INPP5A: variants seen among roughly 807,000 people sequenced by gnomAD.
INPP5A encodes 43 kDa inositol polyphosphate 5-phophatase.
In INPP5A, 14 loss-of-function variants were observed where a neutral mutation model predicts 65.2. That is an observed-to-expected ratio of 0.21 (90% CI 0.14 to 0.34). The LOEUF is 0.34. Among genes scored for constraint, INPP5A ranks in the 10% least tolerant of loss-of-function variants. INPP5A has a pLI of 1.00. For missense variants in INPP5A, 431 were observed against 545.6 expected (o/e 0.79, Z 2.09); for synonymous variants, 207 against 208.3 (o/e 0.99, Z 0.05).
intron 8 of INPP5A, among the ~76,000 whole-genome samples, chr10:132,715,100 C>G (rs1270060975): frequency 2.6e-5 from 4 of 152,314 alleles, no homozygotes; most frequent in South Asian, 4.1e-4. Context: ...CCTGGACACA[C>G]AGGTCAGCCC....
At chr10:132,677,659 T>G (rs1213933271) in intron 4 of INPP5A, among the ~76,000 whole-genome samples, 1 of 152,172 alleles carries the variant, frequency 6.6e-6, no homozygotes, top group Admixed American at 6.5e-5. Flanking sequence ...TAATCGGAAA[T>G]GTTAACGGGC....
chr10:132,601,262 A>T (rs2071773725), intron 1 of INPP5A, among the ~76,000 whole-genome samples: 1 of 152,220 alleles, frequency 6.6e-6, no homozygotes, highest in Non-Finnish European at 1.5e-5. Flanking sequence ...AGTGATAATG[A>T]ACATCCTTTC....
At chr10:132,771,831 GGCACTCAGC>G (rs1846960229) in intron 12 of INPP5A, among the ~76,000 whole-genome samples, 6 of 123,348 alleles carry the variant, frequency 4.9e-5, no homozygotes, top group Admixed American at 1.6e-4. Flanking sequence ...TGAAGAGTGG[GGCACTCAGC>G]ACTGACACGG....
At chr10:132,588,434 C>T (rs2071574729) in intron 1 of INPP5A, among the ~76,000 whole-genome samples, 1 of 152,218 alleles carries the variant, frequency 6.6e-6, no homozygotes, top group Admixed American at 6.5e-5. Flanking sequence ...GGTGGAAGGC[C>T]CAGTCGTTAC....
At chr10:132,691,124 G>A (rs1486475638) in intron 5 of INPP5A, among the ~76,000 whole-genome samples, 1 of 152,246 alleles carries the variant, frequency 6.6e-6, no homozygotes, top group African/African-American at 2.4e-5. Flanking sequence ...AAACGATGTC[G>A]TTTCGTTCGG....
Position 132,776,971 on chromosome 10 carries a change from G to A in INPP5A, c.978-700G>A, listed in dbSNP as rs537860933. On this transcript the variant is annotated intron_variant, in intron 12 of 15. Coordinates refer to ENST00000368594, the MANE Select transcript of INPP5A (RefSeq NM_005539.5). ...AGCCCAGATGAGCTGTGCCCTGGCC[G>A]GCGGTGGGTGGTGGAGACGCAACCA... Among the ~76,000 whole-genome samples the A allele has an allele frequency of 1.6e-4, 24 of 152,298 alleles. 2 individuals are homozygous for A. The highest frequency in any genetic ancestry group is 5.9e-4 in the Admixed American group (9 of 15,306).
intron 4 of INPP5A, among the ~76,000 whole-genome samples, chr10:132,660,286 A>G (rs1237436821): frequency 6.6e-6 from 1 of 152,238 alleles, no homozygotes; most frequent in Non-Finnish European, 1.5e-5. Context: ...GTGGCAATAT[A>G]AGCTTTAGAG....
Position 132,538,233 on chromosome 10 carries a change from C to A in INPP5A, c.75+62C>A. The A allele has an allele frequency of 1.9e-6, 2 of 1,025,732 alleles. No individual in the cohort carries two copies. Among genetic ancestry groups the A allele is most frequent in the Non-Finnish European group, 2.5e-6 (2 of 800,572 alleles). The allele number at this position is 1,025,732 out of a possible 1,614,324, so 63.5% of individuals were successfully genotyped here. Reference sequence around the variant, plus strand: ...GAACCCCCGACCCTGACCCCGGGGTCCCGAACTGCAAGCCTTGGACCCTGG... The same window carrying A: ...GAACCCCCGACCCTGACCCCGGGGTACCGAACTGCAAGCCTTGGACCCTGG... On this transcript the variant is annotated intron_variant, in intron 1 of 15. Coordinates refer to ENST00000368594, the MANE Select transcript of INPP5A (RefSeq NM_005539.5). The surrounding 1 kb of genome is among the most constrained non-coding windows in gnomAD (Gnocchi z 4.1).
intron 5 of INPP5A, among the ~76,000 whole-genome samples, chr10:132,693,015 A>G (rs1297695690): frequency 6.6e-6 from 1 of 152,236 alleles, no homozygotes. Flanking sequence ...GAAAAGTCAT[A>G]AGGACAGGAG....
intron 9 of INPP5A, among the ~76,000 whole-genome samples, chr10:132,739,937 C>T (rs1043913867): frequency 3.9e-5 from 6 of 152,208 alleles, no homozygotes; most frequent in Admixed American, 2.6e-4. Context: ...TCCACCCCAA[C>T]GGGATGCCAG....
chr10:132,781,216 A>G (rs948340449), intron 14 of INPP5A, among the ~76,000 whole-genome samples: 1 of 152,252 alleles, frequency 6.6e-6, no homozygotes, highest in African/African-American at 2.4e-5. Flanking sequence ...AAAAATGTCC[A>G]CAGCTGATTG....
At chr10:132,625,402 A>G (rs2072169802) in intron 2 of INPP5A, among the ~76,000 whole-genome samples, 1 of 152,044 alleles carries the variant, frequency 6.6e-6, no homozygotes, top group Non-Finnish European at 1.5e-5. Flanking sequence ...GAGGCAGTCA[A>G]TAAATATTCA....
At chr10:132,713,196 GTA>G (rs1845679541) in intron 8 of INPP5A, among the ~76,000 whole-genome samples, 1 of 151,918 alleles carries the variant, frequency 6.6e-6, no homozygotes, top group Non-Finnish European at 1.5e-5. Context: ...ATGTGCACAT[GTA>G]TGTGTGTAGG....
At chr10:132,737,094 A>G (rs1846190067) in intron 9 of INPP5A, among the ~76,000 whole-genome samples, 1 of 152,218 alleles carries the variant, frequency 6.6e-6, no homozygotes, top group African/African-American at 2.4e-5. Context: ...AACTGAGAGC[A>G]TGGCGGCTGA....
Position 132,720,841 on chromosome 10 carries a change from C to T in INPP5A, c.648-5980C>T, listed in dbSNP as rs184868386. Among the ~76,000 whole-genome samples the T allele has an allele frequency of 7.8e-3, 1,169 of 149,072 alleles. 7 individuals carry two copies. Among genetic ancestry groups the T allele is most frequent in the African/African-American group, 0.026 (1,058 of 40,132 alleles). On this transcript the variant is annotated intron_variant, in intron 8 of 15. Coordinates refer to ENST00000368594, the MANE Select transcript of INPP5A (RefSeq NM_005539.5). ...GGGTTCTGTGGTACCTGGGTTCTGTCTGGGCACCTTAGACGGCTGTCTTCA... is the reference window on the plus strand; with the variant it reads ...GGGTTCTGTGGTACCTGGGTTCTGTTTGGGCACCTTAGACGGCTGTCTTCA...
intron 8 of INPP5A, among the ~76,000 whole-genome samples, chr10:132,720,211 C>T (rs1443816537): frequency 2.0e-3 from 164 of 81,630 alleles, no homozygotes; most frequent in Middle Eastern, 0.012. Context: ...GGTTCTGTGG[C>T]ACCTGGGTTC....
At chr10:132,721,244 G>C (rs1845871889) in intron 8 of INPP5A, among the ~76,000 whole-genome samples, 1 of 150,382 alleles carries the variant, frequency 6.6e-6, no homozygotes, top group African/African-American at 2.4e-5. Flanking sequence ...TGTGGTGCCT[G>C]GGTTCTGTCT....
intron 2 of INPP5A, among the ~76,000 whole-genome samples, chr10:132,621,949 T>C (rs970002630): frequency 1.3e-5 from 2 of 152,126 alleles, no homozygotes; most frequent in East Asian, 3.9e-4. Flanking sequence ...TCATACAGAT[T>C]TGAAAGGAAG....
chr10:132,634,225 T>C (rs1487792536), intron 2 of INPP5A, among the ~76,000 whole-genome samples: 1 of 152,044 alleles, frequency 6.6e-6, no homozygotes, highest in Non-Finnish European at 1.5e-5. Flanking sequence ...GCCATCTCCC[T>C]TGGCGGGTGT....
Sources: allele counts gnomAD v4.1 joint callset (sites outside exome capture counted in the v4.1 genomes callset), GRCh38; gene constraint gnomAD v4.1.1; non-coding constraint Gnocchi (gnomAD v3.1); transcripts MANE v1.5; gene names NCBI Gene and HGNC (gene_info 2026-07-23, HGNC 2026-07-21).